PCBP2: variants seen among roughly 807,000 people sequenced by gnomAD.
PCBP2 encodes poly(rC)-binding protein 2.
PCBP2 carries 4 observed loss-of-function variants against 50.1 expected under a neutral mutation model. That is an observed-to-expected ratio of 0.08 (90% CI 0.04 to 0.18). The LOEUF is 0.18. PCBP2 is among the 10% of genes least tolerant of loss of function. PCBP2 has a pLI of 1.00. For missense variants in PCBP2, 161 were observed against 474.3 expected, an observed-to-expected ratio of 0.34 and a Z score of 6.14; for synonymous variants, 179 against 168.0, an observed-to-expected ratio of 1.07 and a Z score of -0.51.
intron 13 of PCBP2, among the ~76,000 whole-genome samples, chr12:53,469,526 G>T (rs1240782266): frequency 1.3e-5 from 2 of 151,812 alleles, no homozygotes. Context: ...TTCGAGACCA[G>T]CCTGACTACC....
chr12:53,469,470 C>T (rs1942052366), intron 13 of PCBP2, among the ~76,000 whole-genome samples: 1 of 151,920 alleles, frequency 6.6e-6, no homozygotes, highest in Non-Finnish European at 1.5e-5. Context: ...CCTGTAATCC[C>T]AGCACTTTGG....
Position 53,467,811 on chromosome 12 carries a change from A to G in PCBP2, c.794A>G (p.Glu265Gly). 6.2e-7 allele frequency: 1 copy of G among 1,612,730 alleles called. No individual in the cohort carries two copies. The highest frequency in any genetic ancestry group is 8.5e-7 in the Non-Finnish European group (1 of 1,178,762). ...THGNTGFSGI[E>G]SSSPEVKGYW... The stretch of plus-strand genomic sequence containing the variant: ...TTCACTTGTATCTTAACAGGCATTG[A>G]ATCCAGCTCTCCAGAGGTGAAAGGC... Residue 265 changes from glutamate (E) to glycine (G), a missense_variant, in exon 12 of 15, where the codon GAA becomes GGA. By Grantham distance (98) the Glu-to-Gly change is moderately conservative. Around this residue, in one of 7 missense-constraint regions of PCBP2, gnomAD observed 51 missense variants for 193.0 expected, o/e 0.26. Transcript: ENST00000546463.
Position 53,452,324 on chromosome 12 carries a change from C to A in PCBP2, c.-128C>A, listed in dbSNP as rs1940589626. 1 of 143,752 alleles carries A rather than the reference C, an allele frequency of 7.0e-6. No individual in the cohort carries two copies. 8.9% of individuals were successfully genotyped at this position (143,752 alleles called of 1,614,324 possible). A position where few individuals can be genotyped will look rare whatever the true frequency, so the allele number is the denominator to read the frequency against. ...TATTGTTCCGCCCCCGGCCTCCCGC[C>A]CTTCCCCTTCCCGCCCGCTCCCCTT... On this transcript the variant is annotated 5_prime_UTR_variant, in exon 1 of 15. Transcript: ENST00000546463.
chr12:53,468,148 TTTTC>T (rs1329316286), intron 12 of PCBP2: 5 of 274,724 alleles, frequency 1.8e-5, no homozygotes, highest in South Asian at 1.2e-4. Flanking sequence ...TGGGATTTTT[TTTTC>T]TTTCTTTTTC....
chr12:53,464,815 T>A lies in PCBP2; in HGVS notation c.635T>A (p.Met212Lys). ...AGCTTTCCCCACACCACCCCGTCCA[T>A]GTGCCTCAACCCTGACCTGGAGGGA... is the stretch of plus-strand genomic sequence containing the variant. Reference protein sequence around the residue: ...SASFPHTTPSMCLNPDLEGPP... With the variant: ...SASFPHTTPSKCLNPDLEGPP... The change falls in exon 9 of 15, where the codon ATG (methionine) becomes AAG (lysine). Residue 212 changes from methionine to lysine, a missense_variant. This residue lies in a region of PCBP2 where 35 missense variants were observed against 45.5 expected (regional missense o/e 0.77). Coordinates refer to ENST00000546463, the MANE Select transcript of PCBP2 (RefSeq NM_031989.5). 6.2e-7 allele frequency: 1 copy of A among 1,612,314 alleles called. No homozygotes were observed. Among genetic ancestry groups the A allele is most frequent in the Non-Finnish European group, 8.5e-7 (1 of 1,179,258 alleles).
chr12:53,456,179 A>G (rs1463368873), intron 5 of PCBP2, 178 bp downstream of exon 5: 1 of 607,182 alleles, frequency 1.6e-6, no homozygotes, highest in Non-Finnish European at 3.0e-6. Flanking sequence ...AAAAAGAGTC[A>G]CTTGAGGCTG....
intron 14 of PCBP2, among the ~76,000 whole-genome samples, chr12:53,477,946 T>C (rs1029541477): frequency 3.3e-5 from 5 of 152,250 alleles, no homozygotes; most frequent in Non-Finnish European, 5.9e-5. Flanking sequence ...TGAAGTCTTA[T>C]ACATTTGGTT....
chr12:53,476,450 T>TA (rs1402138953), intron 14 of PCBP2, among the ~76,000 whole-genome samples: 1 of 152,220 alleles, frequency 6.6e-6, no homozygotes, highest in African/African-American at 2.4e-5. Context: ...TTCATTTTCT[T>TA]ATACTAAGAT....
rs116385423 is a variant in PCBP2, at chr12:53,454,600, A to G, written c.-75-126A>G. 932 of 586,704 alleles carry G rather than the reference A, an allele frequency of 1.6e-3. 8 individuals are homozygous for G. Among genetic ancestry groups the G allele is most frequent in the African/African-American group, 0.015 (778 of 53,648 alleles). The allele number at this position is 586,704 out of a possible 1,614,324, so 36.3% of individuals were successfully genotyped here. ...TCATGCAGTTGTGCTTGGTGTGTATATAAGTCTGACATACTGTCATTTAAG... is the reference window on the plus strand; with the variant it reads ...TCATGCAGTTGTGCTTGGTGTGTATGTAAGTCTGACATACTGTCATTTAAG... On this transcript the variant is annotated intron_variant, in intron 1 of 14. Transcript: ENST00000546463.
Position 53,454,777 on chromosome 12 carries a change from C to A in PCBP2, c.-24C>A. The A allele has an allele frequency of 1.2e-6, 2 of 1,610,534 alleles. No homozygotes were observed. The highest frequency in any genetic ancestry group is 1.1e-5 in the South Asian group (1 of 90,960). ...ACCAAAGACTTGACCACTCAAAGTC[C>A]AGCTCCCCAGAACACTGCTCGACAT... is the stretch of plus-strand genomic sequence containing the variant. On this transcript the variant is annotated 5_prime_UTR_variant, in exon 2 of 15. Transcript: ENST00000546463.
At chr12:53,454,914 A>AG (rs770473135) in intron 2 of PCBP2, 45 bp downstream of exon 2, 24 of 1,504,504 alleles carry the variant, frequency 1.6e-5, no homozygotes, top group Non-Finnish European at 1.7e-5. Context: ...CTGCTAGGGG[A>AG]GGGGCCAGGA....
chr12:53,464,974 G>A, intron 9 of PCBP2, 122 bp downstream of exon 9: 2 of 1,305,454 alleles, frequency 1.5e-6, no homozygotes, highest in Non-Finnish European at 1.0e-6. Flanking sequence ...CCTGTCCACG[G>A]GGACCTGGAC....
At chr12:53,466,065 G>T in intron 10 of PCBP2, 92 bp downstream of exon 10, 2 of 1,036,150 alleles carry the variant, frequency 1.9e-6, no homozygotes, top group Non-Finnish European at 3.1e-6. Context: ...GAAGTGAGTT[G>T]GGTCTTCAGC....
chr12:53,471,601 C>T (rs1565870895), intron 13 of PCBP2, 37 bp from the exon 14 acceptor site: 1 of 1,576,880 alleles, frequency 6.3e-7, no homozygotes, highest in Non-Finnish European at 8.6e-7. Context: ...CCATGCAACT[C>T]TAATTCGGTG....
chr12:53,466,071 T>TC lies in PCBP2; in HGVS notation c.714+99dup, dbSNP rs1941799043. The TC allele has an allele frequency of 7.1e-6, 7 of 979,222 alleles. No homozygotes were observed. The South Asian group carries it at 9.0e-5, about 13-fold the overall frequency. The allele number at this position is 979,222 out of a possible 1,614,324, so 60.7% of individuals were successfully genotyped here. ...AAGTAGCCAGAAGTGAGTTGGGTCT[T>TC]CAGCATTTGCAGTATTAAGTTGTTT... On this transcript the variant is annotated intron_variant, in intron 10 of 14. Transcript: ENST00000546463.
At chr12:53,464,198 A>C (rs1202055135) in intron 8 of PCBP2, among the ~76,000 whole-genome samples, 1 of 152,106 alleles carries the variant, frequency 6.6e-6, no homozygotes, top group Admixed American at 6.5e-5. Flanking sequence ...CCTTTGGAAT[A>C]GAGTCCCATA....
chr12:53,455,154 A>G (rs557283741), intron 2 of PCBP2, among the ~76,000 whole-genome samples, 193 bp from the exon 3 acceptor site: 6 of 152,330 alleles, frequency 3.9e-5, no homozygotes, highest in South Asian at 4.1e-4. Context: ...ACTCCCCCCA[A>G]TAAATCTTCA....
rs919637703 is a variant in PCBP2 at position 53,479,484 on chromosome 12, A to T, written c.*42A>T. The T allele has an allele frequency of 2.6e-6, 4 of 1,558,680 alleles. No individual in the cohort carries two copies. The African/African-American group carries it at 5.4e-5, about 21-fold the overall frequency. On this transcript the variant is annotated 3_prime_UTR_variant, in exon 15 of 15. Coordinates refer to ENST00000546463, the MANE Select transcript of PCBP2 (RefSeq NM_031989.5). The stretch of plus-strand genomic sequence containing the variant: ...CCATAATCCCTTTCTGCTGTTCACC[A>T]CCACCCATGATCCATCTGTGTAGTT...
intron 1 of PCBP2, 185 bp from the exon 2 acceptor site, chr12:53,454,541 A>G (rs183425073): frequency 1.1e-5 from 5 of 472,978 alleles, no homozygotes; most frequent in Admixed American, 3.5e-5. Context: ...GTTGCCTTCT[A>G]TACTGTGTAA....
Sources: gnomAD v4.1 joint callset for allele counts (sites outside exome capture counted in the v4.1 genomes callset) on GRCh38, gnomAD v4.1.1 for gene constraint, gnomAD v4.1.1 regional missense constraint, MANE v1.5 for transcripts, NCBI Gene and HGNC (gene_info 2026-07-23, HGNC 2026-07-21) for gene names.